PTDSS2: variants seen among roughly 807,000 people sequenced by gnomAD.
The protein encoded by PTDSS2 is phosphatidylserine synthase 2.
PTDSS2 carries 41 observed loss-of-function variants against 64.7 expected under a neutral mutation model. The observed-to-expected ratio is 0.63, with a 90% CI of 0.49 to 0.82. The LOEUF (loss-of-function observed/expected upper bound fraction) is 0.82, where lower values mean the gene tolerates loss of function less well. Ranked by LOEUF, PTDSS2 falls within the 40% of genes least tolerant of loss-of-function variation. The pLI, the probability that PTDSS2 is intolerant of heterozygous loss-of-function variation, is 0.00. For missense variants in PTDSS2, 485 were observed against 650.0 expected (o/e 0.75, Z 2.76); for synonymous variants, 297 against 277.8 (o/e 1.07, Z -0.69).
intron 4 of PTDSS2, among the ~76,000 whole-genome samples, chr11:483,349 C>T (rs12798676): frequency 8.0e-6 from 1 of 124,786 alleles, no homozygotes; most frequent in South Asian, 2.8e-4. Context: ...CTACCGAGTG[C>T]AGAAAGTTCT....
intron 1 of PTDSS2, chr11:459,155 G>A (rs1488973386): frequency 1.2e-5 from 1 of 85,944 alleles, no homozygotes; most frequent in Non-Finnish European, 2.3e-5. Context: ...GGTGGATGTC[G>A]GACCTGGGTT....
In PTDSS2 at chr11:462,313, C is replaced by T. The variant is rs1208315903; in HGVS notation, c.284+2025C>T. Reference sequence around the variant, plus strand: ...GCACTGGCCTCTCCTGAGTGGCCCCCGACGTGAGAGGCTGGGTTCTGCCAT... The same window carrying T: ...GCACTGGCCTCTCCTGAGTGGCCCCTGACGTGAGAGGCTGGGTTCTGCCAT... On this transcript the variant is annotated intron_variant, in intron 2 of 11. Coordinates refer to ENST00000308020, the MANE Select transcript of PTDSS2 (RefSeq NM_030783.3). The surrounding 1 kb of genome is among the most constrained non-coding windows in gnomAD (Gnocchi z 4.5). Among the ~76,000 whole-genome samples, 1 of 152,148 alleles carries T rather than the reference C, an allele frequency of 6.6e-6. No homozygotes were observed. The highest frequency in any genetic ancestry group is 1.9e-4 in the East Asian group (1 of 5,184).
chr11:450,547 G>A lies in PTDSS2; in HGVS notation c.92G>A (p.Gly31Glu). Residue 31 changes from glycine to glutamate, a missense_variant, in exon 1 of 12, where the codon GGG (glycine) becomes GAG (glutamate). By Grantham distance (98) the Gly-to-Glu change is moderately conservative. Transcript: ENST00000308020. ...GCCTCGCTGGAGGAGCCGCCTGACGGGCCGTCTGCCGGCCAAGCCACCGGG... is the reference window on the plus strand; with the variant it reads ...GCCTCGCTGGAGGAGCCGCCTGACGAGCCGTCTGCCGGCCAAGCCACCGGG... Reference protein sequence around the residue: ...GRASLEEPPDGPSAGQATGPG... With the variant: ...GRASLEEPPDEPSAGQATGPG... 1 of 1,242,408 alleles carries A rather than the reference G, an allele frequency of 8.0e-7. No homozygotes were observed. Among genetic ancestry groups the A allele is most frequent in the Non-Finnish European group, 1.0e-6 (1 of 985,900 alleles). 77.0% of individuals were successfully genotyped at this position (1,242,408 alleles called of 1,614,324 possible).
chr11:451,758 C>G (rs995165814), intron 1 of PTDSS2, among the ~76,000 whole-genome samples: 9 of 152,090 alleles, frequency 5.9e-5, no homozygotes, highest in African/African-American at 2.2e-4. Flanking sequence ...TCACCGCAGC[C>G]GAAGCTCTGG....
chr11:487,618 C>G, intron 6 of PTDSS2, 148 bp downstream of exon 6: 1 of 743,050 alleles, frequency 1.3e-6, no homozygotes, highest in East Asian at 2.6e-5. Flanking sequence ...GTTCGAGAAG[C>G]CGTGGGGCTC....
rs1052069275 is a variant in PTDSS2 at position 476,546 on chromosome 11, C to T, written c.368-2539C>T. Among the ~76,000 whole-genome samples the T allele has an allele frequency of 1.3e-5, 2 of 152,220 alleles. No individual in the cohort carries two copies. Among genetic ancestry groups the T allele is most frequent in the East Asian group, 1.9e-4 (1 of 5,158 alleles). On this transcript the variant is annotated intron_variant, in intron 3 of 11. Coordinates refer to ENST00000308020, the MANE Select transcript of PTDSS2 (RefSeq NM_030783.3). The surrounding 1 kb of genome is among the most constrained non-coding windows in gnomAD (Gnocchi z 4.9). ...GCATCACTGGGGACTGGGACGCAGC[C>T]GTGAGTGGGACAGACTGGTCAGCAG...
chr11:456,170 CTTTTTTTTTT>C (rs71022912), intron 1 of PTDSS2, among the ~76,000 whole-genome samples: 2 of 114,894 alleles, frequency 1.7e-5, no homozygotes, highest in African/African-American at 6.8e-5. Context: ...TTCTTTCATT[CTTTTTTTTTT>C]TTTTTTTTTT....
intron 2 of PTDSS2, among the ~76,000 whole-genome samples, chr11:464,262 C>T (rs979667123): frequency 1.3e-4 from 20 of 152,212 alleles, no homozygotes; most frequent in Admixed American, 7.9e-4. Flanking sequence ...GGATTACAGG[C>T]GTGAGCCACT....
chr11:474,748 A>G (rs1337192759), intron 3 of PTDSS2, among the ~76,000 whole-genome samples: 1 of 151,780 alleles, frequency 6.6e-6, no homozygotes, highest in Non-Finnish European at 1.5e-5. Flanking sequence ...AGGAGTATGT[A>G]TTATAGAAAA....
Position 461,717 on chromosome 11 carries a change from G to A in PTDSS2, c.284+1429G>A, listed in dbSNP as rs1018381863. Among the ~76,000 whole-genome samples, 1 of 152,134 alleles carries A rather than the reference G, an allele frequency of 6.6e-6. No homozygotes were observed. The highest frequency in any genetic ancestry group is 1.9e-4 in the East Asian group (1 of 5,180). ...GCCTCCCGTGCTCCAGGCCCAGCTC[G>A]CTCCTTCTCCCTTTCTTAGGCAGTC... is the stretch of plus-strand genomic sequence containing the variant. On this transcript the variant is annotated intron_variant, in intron 2 of 11. Transcript: ENST00000308020. The surrounding 1 kb of genome is among the most constrained non-coding windows in gnomAD (Gnocchi z 4.2).
At position 460,170 on chromosome 11, in the gene PTDSS2, G is replaced by A; in HGVS notation, c.183-17G>A. On this transcript the variant is annotated splice_polypyrimidine_tract_variant and intron_variant, in intron 1 of 11. Transcript: ENST00000308020. The surrounding 1 kb of genome is among the most constrained non-coding windows in gnomAD (Gnocchi z 5.8). The stretch of plus-strand genomic sequence containing the variant: ...GCCCAAGCTCTGACACCATGCTTAT[G>A]CGTTTTTGGATTTCAGGCGAGCCCA... 6.2e-7 allele frequency: 1 copy of A among 1,607,082 alleles called. No homozygotes were observed. Among genetic ancestry groups the A allele is most frequent in the Non-Finnish European group, 8.5e-7 (1 of 1,173,554 alleles).
chr11:490,849 GTGTGCTC>G lies in PTDSS2; in HGVS notation c.*270_*276del. ...ATGCGTGGCCGCCTGTGGTGTGCAC[GTGTGCTC>G]TGGGCTCCGAGGCTTCTCCAGAGCT... On this transcript the variant is annotated 3_prime_UTR_variant, in exon 12 of 12. Transcript: ENST00000308020. 2.2e-6 allele frequency: 1 copy of G among 465,062 alleles called. No homozygotes were observed. Among genetic ancestry groups the G allele is most frequent in the East Asian group, 3.5e-5 (1 of 28,338 alleles). The allele number at this position is 465,062 out of a possible 1,614,324, so 28.8% of individuals were successfully genotyped here. A position where few individuals can be genotyped will look rare whatever the true frequency, so the allele number is the denominator to read the frequency against.
chr11:466,720 T>A (rs1183374650), intron 2 of PTDSS2, among the ~76,000 whole-genome samples: 2 of 152,058 alleles, frequency 1.3e-5, no homozygotes, highest in Non-Finnish European at 2.9e-5. Context: ...AAACTGCCGC[T>A]TCTAAAACCA....
At chr11:467,543 G>T (rs903144266) in intron 2 of PTDSS2, among the ~76,000 whole-genome samples, 1 of 150,698 alleles carries the variant, frequency 6.6e-6, no homozygotes, top group African/African-American at 2.4e-5. Flanking sequence ...GGATCACGAG[G>T]TCAGGAGATC....
At chr11:485,404 C>A in intron 4 of PTDSS2, among the ~76,000 whole-genome samples, 1 of 110,090 alleles carries the variant, frequency 9.1e-6, no homozygotes, top group South Asian at 3.1e-4. Context: ...GTGCAGGCGA[C>A]CGTAAACAGT....
At position 489,656 on chromosome 11, in the gene PTDSS2, G is replaced by A; in HGVS notation, c.1038G>A (p.Leu346=). The change falls in exon 10 of 12, where the codon CTG becomes CTA. Residue 346 remains leucine (L), a synonymous_variant. Coordinates refer to ENST00000308020, the MANE Select transcript of PTDSS2 (RefSeq NM_030783.3). ...FVLWMPPEHY[L]VLLRLVFFVN... The stretch of plus-strand genomic sequence containing the variant: ...TGTGGATGCCCCCGGAGCACTACCT[G>A]GTCCTCCTGCGGCTCGTCTTCTTCG... 1 of 1,602,276 alleles carries A rather than the reference G, an allele frequency of 6.2e-7. No homozygotes were observed. The highest frequency in any genetic ancestry group is 1.3e-5 in the African/African-American group (1 of 74,904).
rs369616684 is a variant in PTDSS2, at chr11:479,029, C to T, written c.368-56C>T. 22 of 1,469,166 alleles carry T rather than the reference C, an allele frequency of 1.5e-5. No individual in the cohort carries two copies. Among genetic ancestry groups the T allele is most frequent in the African/African-American group, 1.4e-4 (10 of 71,962 alleles). 91.0% of individuals were successfully genotyped at this position (1,469,166 alleles called of 1,614,324 possible). A position where few individuals can be genotyped will look rare whatever the true frequency, so the allele number is the denominator to read the frequency against. On this transcript the variant is annotated intron_variant, in intron 3 of 11. Transcript: ENST00000308020. The surrounding 1 kb of genome is among the most constrained non-coding windows in gnomAD (Gnocchi z 4.2). ...AGCCAGGAGCCGGCCTGGGGCTGAG[C>T]GGGGCCGTGGAGGCCTGGACCGGGC...
intron 2 of PTDSS2, among the ~76,000 whole-genome samples, chr11:464,296 C>T (rs1264417229): frequency 2.0e-5 from 3 of 152,158 alleles, no homozygotes; most frequent in African/African-American, 7.2e-5. Context: ...TTTTGCTTTT[C>T]TTGAGTCAAC....
rs1204332973 is a variant in PTDSS2 at position 476,535 on chromosome 11, T to A, written c.368-2550T>A. ...CCTGGGTGGCGGCATCACTGGGGAC[T>A]GGGACGCAGCCGTGAGTGGGACAGA... On this transcript the variant is annotated intron_variant, in intron 3 of 11. Transcript: ENST00000308020. The surrounding 1 kb of genome is among the most constrained non-coding windows in gnomAD (Gnocchi z 4.9). 6.6e-6 allele frequency among the ~76,000 whole-genome samples: 1 copy of A among 152,112 alleles called. No individual in the cohort carries two copies. The highest frequency in any genetic ancestry group is 1.5e-5 in the Non-Finnish European group (1 of 68,006).
Sources: gnomAD v4.1 joint callset for allele counts (sites outside exome capture counted in the v4.1 genomes callset) on GRCh38, gnomAD v4.1.1 for gene constraint, Gnocchi (gnomAD v3.1) non-coding constraint, MANE v1.5 for transcripts, NCBI Gene and HGNC (gene_info 2026-07-23, HGNC 2026-07-21) for gene names.